GBE1: variants seen among roughly 807,000 people sequenced by gnomAD.
The protein encoded by GBE1 is 1,4-alpha-glucan branching enzyme 1, also known as 1,4-alpha-glucan-branching enzyme.
A neutral mutation model predicts 88.8 loss-of-function variants in GBE1; 70 were observed. The observed-to-expected ratio is 0.79, with a 90% CI of 0.65 to 0.96. GBE1 has a LOEUF of 0.96. GBE1 is among the 40% of genes least tolerant of loss of function. GBE1 has a pLI of 0.00. For synonymous variants in GBE1, 284 were observed against 300.1 expected (o/e 0.95, Z 0.56); for missense variants, 872 against 871.0 (o/e 1.00, Z -0.01).
chr3:81,527,029 C>A (rs1026319308), intron 14 of GBE1, among the ~76,000 whole-genome samples: 1 of 151,954 alleles, frequency 6.6e-6, no homozygotes, highest in Non-Finnish European at 1.5e-5. Context: ...GAGATATAGA[C>A]CAATGGAACA....
intron 2 of GBE1, among the ~76,000 whole-genome samples, chr3:81,695,674 A>C (rs1476754211): frequency 6.6e-6 from 1 of 152,242 alleles, no homozygotes; most frequent in Non-Finnish European, 1.5e-5. Flanking sequence ...TTAAAATATT[A>C]GAATGAAAAA....
chr3:81,605,020 C>A (rs1056637234), intron 7 of GBE1, among the ~76,000 whole-genome samples: 6 of 151,930 alleles, frequency 3.9e-5, no homozygotes, highest in African/African-American at 1.5e-4. Flanking sequence ...AAAAATATGG[C>A]CAGCCTCTAG....
At chr3:81,590,735 T>A (rs1703865826) in intron 9 of GBE1, among the ~76,000 whole-genome samples, 1 of 152,144 alleles carries the variant, frequency 6.6e-6, no homozygotes, top group South Asian at 2.1e-4. Context: ...AATTCTTTTC[T>A]CTGCTGAAGG....
rs770485674 is a variant in GBE1 at position 81,682,309 on chromosome 3, C to T, written c.314-11356G>A. 4.0e-5 allele frequency among the ~76,000 whole-genome samples: 6 copies of T among 151,796 alleles called. No homozygotes were observed. In the East Asian group the frequency reaches 1.2e-3, roughly 29 times the overall value. ...AAGACCCCATCTCTACAAAAAATAA[C>T]AAATTAGCTGGGCATGGTGGCACAC... is the stretch of plus-strand genomic sequence containing the variant. On this transcript the variant is annotated intron_variant, in intron 2 of 15. Transcript: ENST00000429644.
intron 14 of GBE1, among the ~76,000 whole-genome samples, chr3:81,507,165 A>C (rs1015335875): frequency 6.6e-6 from 1 of 152,028 alleles, no homozygotes; most frequent in African/African-American, 2.4e-5. Flanking sequence ...TTTCAATGGA[A>C]TATCCAGTTA....
At chr3:81,670,546 C>T (rs1227226301) in intron 3 of GBE1, among the ~76,000 whole-genome samples, 1 of 152,176 alleles carries the variant, frequency 6.6e-6, no homozygotes, top group Admixed American at 6.5e-5. Flanking sequence ...GTTTCCCAAG[C>T]TAAAGTTTTA....
At chr3:81,695,528 G>A (rs1370624985) in intron 2 of GBE1, among the ~76,000 whole-genome samples, 1 of 152,156 alleles carries the variant, frequency 6.6e-6, no homozygotes, top group Admixed American at 6.5e-5. Context: ...ACAGGTATGA[G>A]GTTTCTTTTG....
intron 14 of GBE1, among the ~76,000 whole-genome samples, chr3:81,512,888 G>A (rs1215709990): frequency 6.6e-6 from 1 of 151,578 alleles, no homozygotes; most frequent in African/African-American, 2.4e-5. Flanking sequence ...TCAGACACAT[G>A]ATTCATACGA....
Position 81,578,031 on chromosome 3 carries a change from A to G in GBE1, c.1512T>C (p.Ser504=), listed in dbSNP as rs779711697. 2.5e-6 allele frequency: 4 copies of G among 1,610,574 alleles called. No individual in the cohort carries two copies. The highest frequency in any genetic ancestry group is 3.4e-6 in the Non-Finnish European group (4 of 1,178,480). ...LMDAEMYTNM[S]VLTPFTPVID... is the part of the protein sequence containing the mutation. The stretch of plus-strand genomic sequence containing the variant: ...TAACTGGAGTAAAAGGAGTCAGGAC[A>G]CTCATGTTTGTATACATTTCGGCAT... The change falls in exon 12 of 16, where the codon AGT becomes AGC. Residue 504 remains serine (S), a synonymous_variant. Coordinates refer to ENST00000429644, the MANE Select transcript of GBE1 (RefSeq NM_000158.4).
At chr3:81,589,668 C>T (rs1559654582) in intron 9 of GBE1, among the ~76,000 whole-genome samples, 1 of 151,992 alleles carries the variant, frequency 6.6e-6, no homozygotes. Flanking sequence ...TTTTAACTTT[C>T]ATGTATTAAA....
chr3:81,701,988 A>G (rs1212537578), intron 2 of GBE1, among the ~76,000 whole-genome samples: 1 of 151,772 alleles, frequency 6.6e-6, no homozygotes. Context: ...AGGCACAAAA[A>G]AAAAAAAGAA....
At chr3:81,506,540 C>T (rs144105561) in intron 14 of GBE1, among the ~76,000 whole-genome samples, 74 of 152,202 alleles carry the variant, frequency 4.9e-4, no homozygotes, top group African/African-American at 1.4e-3. Context: ...GACAGAAATA[C>T]GATTTAACCT....
rs139080768 is a variant in GBE1, at chr3:81,563,046, G to A, written c.1618+14879C>T. ...CTGTGTTTAGAGCACTCATCACTACGTTCTATGAGATGACAGCCATATAGC... is the reference window on the plus strand; with the variant it reads ...CTGTGTTTAGAGCACTCATCACTACATTCTATGAGATGACAGCCATATAGC... On this transcript the variant is annotated intron_variant, in intron 12 of 15. Transcript: ENST00000429644. 3.7e-3 allele frequency among the ~76,000 whole-genome samples: 563 copies of A among 152,068 alleles called. 2 individuals are homozygous for A. The highest frequency in any genetic ancestry group is 5.1e-3 in the Non-Finnish European group (344 of 67,976).
At chr3:81,533,659 A>G (rs1703037325) in intron 14 of GBE1, among the ~76,000 whole-genome samples, 1 of 152,106 alleles carries the variant, frequency 6.6e-6, no homozygotes, top group Non-Finnish European at 1.5e-5. Context: ...ACTCAGGGGT[A>G]ATTCCTGATT....
intron 7 of GBE1, among the ~76,000 whole-genome samples, chr3:81,616,889 C>T (rs975885697): frequency 6.6e-6 from 1 of 151,940 alleles, no homozygotes; most frequent in African/African-American, 2.4e-5. Context: ...TTTCATTATA[C>T]ATTCCTGTAT....
At chr3:81,734,501 CAG>C (rs2107208503) in intron 1 of GBE1, among the ~76,000 whole-genome samples, 1 of 152,278 alleles carries the variant, frequency 6.6e-6, no homozygotes, top group South Asian at 2.1e-4. Flanking sequence ...CTTTAAAGCA[CAG>C]AGTTTATCAT....
intron 1 of GBE1, among the ~76,000 whole-genome samples, chr3:81,725,244 A>C (rs1444559296): frequency 6.6e-6 from 1 of 151,588 alleles, no homozygotes; most frequent in Non-Finnish European, 1.5e-5. Context: ...TAACTTTTGG[A>C]CTCTTTTGTA....
At chr3:81,595,072 G>C (rs1483329507) in intron 7 of GBE1, among the ~76,000 whole-genome samples, 1 of 150,408 alleles carries the variant, frequency 6.6e-6, no homozygotes, top group Admixed American at 6.6e-5. Context: ...GATGAGTGTT[G>C]TTAGTAATTA....
intron 1 of GBE1, among the ~76,000 whole-genome samples, chr3:81,728,997 T>C (rs1313479392): frequency 6.6e-6 from 1 of 151,898 alleles, no homozygotes; most frequent in South Asian, 2.1e-4. Context: ...AGACAGCTAC[T>C]CTCTCTGAAA....
Sources: allele counts gnomAD v4.1 joint callset (sites outside exome capture counted in the v4.1 genomes callset), GRCh38; gene constraint gnomAD v4.1.1; transcripts MANE v1.5; gene names NCBI Gene and HGNC (gene_info 2026-07-23, HGNC 2026-07-21).